PTPRQ: variants seen among roughly 807,000 people sequenced by gnomAD.
The protein encoded by PTPRQ is protein tyrosine phosphatase receptor type Q.
Under a neutral mutation model 246.0 loss-of-function variants are expected in PTPRQ, and 199 were observed. The observed-to-expected ratio is 0.81, with a 90% CI of 0.72 to 0.91. The LOEUF (loss-of-function observed/expected upper bound fraction) is 0.91, where lower values mean the gene tolerates loss of function less well. Ranked by LOEUF, PTPRQ falls within the 40% of genes least tolerant of loss-of-function variation. PTPRQ has a pLI of 0.00. For missense variants in PTPRQ, 2,624 were observed against 2,528.4 expected (o/e 1.04, Z -0.81); for synonymous variants, 869 against 853.2 (o/e 1.02, Z -0.32).
intron 17 of PTPRQ, among the ~76,000 whole-genome samples, chr12:80,521,616 G>A (rs1394928078): frequency 2.6e-5 from 4 of 152,128 alleles, no homozygotes; most frequent in East Asian, 1.9e-4. Context: ...TTATTAAATA[G>A]GGAATCCTTT....
chr12:80,490,437 C>G (rs983387873), intron 9 of PTPRQ, among the ~76,000 whole-genome samples: 4 of 151,956 alleles, frequency 2.6e-5, no homozygotes, highest in Non-Finnish European at 5.9e-5. Flanking sequence ...AGGAATTTAT[C>G]TCTGAAGACT....
intron 16 of PTPRQ, among the ~76,000 whole-genome samples, chr12:80,508,495 A>G (rs1895030503): frequency 6.6e-6 from 1 of 151,898 alleles, no homozygotes; most frequent in Non-Finnish European, 1.5e-5. Flanking sequence ...GGAGGGTGAG[A>G]AATAGGAAAG....
intron 8 of PTPRQ, among the ~76,000 whole-genome samples, chr12:80,474,455 A>ACAGTGGAG (rs1893749199): frequency 6.6e-6 from 1 of 152,222 alleles, no homozygotes; most frequent in African/African-American, 2.4e-5. Context: ...CTATTACATT[A>ACAGTGGAG]CAGTGGAGTT....
rs1253237409 is a variant in PTPRQ at position 80,546,523 on chromosome 12, G to A, written c.3874-33G>A. 1.1e-5 allele frequency: 17 copies of A among 1,528,822 alleles called. No individual in the cohort carries two copies. The East Asian group carries it at 3.7e-4, about 33-fold the overall frequency. The allele number at this position is 1,528,822 out of a possible 1,614,324, so 94.7% of individuals were successfully genotyped here. On this transcript the variant is annotated intron_variant, in intron 23 of 44. Coordinates refer to ENST00000644991, the MANE Select transcript of PTPRQ (RefSeq NM_001145026.2). ...CATTGATGAACAATTTTTTGACAGT[G>A]CATTAACTAATAACTTTTTTTCTGT...
At position 80,506,563 on chromosome 12, in the gene PTPRQ, C is replaced by T; in HGVS notation, c.2456-6C>T. On this transcript the variant is annotated splice_region_variant and splice_polypyrimidine_tract_variant and intron_variant, in intron 15 of 44. Transcript: ENST00000644991. Reference sequence around the variant, plus strand: ...GTTTCAACTTACCTATTTGATTTCTCTTTAGTACTGAAGAAATATACCCAA... The same window carrying T: ...GTTTCAACTTACCTATTTGATTTCTTTTTAGTACTGAAGAAATATACCCAA... The T allele has an allele frequency of 6.6e-7, 1 of 1,515,222 alleles. No homozygotes were observed. Among genetic ancestry groups the T allele is most frequent in the Non-Finnish European group, 8.9e-7 (1 of 1,122,476 alleles). The allele number at this position is 1,515,222 out of a possible 1,614,324, so 93.9% of individuals were successfully genotyped here.
At chr12:80,665,844 G>A (rs1235864270) in intron 39 of PTPRQ, among the ~76,000 whole-genome samples, 2 of 152,066 alleles carry the variant, frequency 1.3e-5, no homozygotes, top group East Asian at 3.9e-4. Flanking sequence ...ATGAAAGATT[G>A]CTCAACATCA....
chr12:80,478,399 C>G (rs1310053969), intron 8 of PTPRQ, among the ~76,000 whole-genome samples: 1 of 151,502 alleles, frequency 6.6e-6, no homozygotes, highest in Non-Finnish European at 1.5e-5. Context: ...TCATCAAAGA[C>G]CAAAAGTAGA....
intron 3 of PTPRQ, among the ~76,000 whole-genome samples, chr12:80,455,921 A>G (rs1488387629): frequency 1.3e-5 from 2 of 152,134 alleles, no homozygotes; most frequent in African/African-American, 4.8e-5. Context: ...GTTAATATGT[A>G]AAATTTAACA....
intron 26 of PTPRQ, among the ~76,000 whole-genome samples, chr12:80,590,541 G>A (rs1258272293): frequency 5.3e-5 from 8 of 151,894 alleles, no homozygotes; most frequent in African/African-American, 1.9e-4. Context: ...GGTGGCAGGT[G>A]CCTGTAGTCC....
chr12:80,499,908 A>G (rs1167270745), intron 14 of PTPRQ, among the ~76,000 whole-genome samples: 1 of 151,928 alleles, frequency 6.6e-6, no homozygotes, highest in African/African-American at 2.4e-5. Flanking sequence ...AGAAGTTCCC[A>G]TACAAATTAC....
intron 25 of PTPRQ, among the ~76,000 whole-genome samples, chr12:80,572,573 A>G (rs777208209): frequency 6.6e-6 from 1 of 152,152 alleles, no homozygotes; most frequent in African/African-American, 2.4e-5. Flanking sequence ...ATAAAAGCCA[A>G]TATCCTTGTG....
Position 80,632,593 on chromosome 12 carries a change from A to T in PTPRQ, c.5786+302A>T, listed in dbSNP as rs372095749. ...CTAAAGAGAGTAAAAGAGAAATCTA[A>T]GAGTCCAGAAGTAGCAAGCAAAACA... On this transcript the variant is annotated intron_variant, in intron 34 of 44. Coordinates refer to ENST00000644991, the MANE Select transcript of PTPRQ (RefSeq NM_001145026.2). 1.9e-4 allele frequency among the ~76,000 whole-genome samples: 29 copies of T among 152,230 alleles called. 1 individual carries two copies. The East Asian group carries it at 2.3e-3, about 12-fold the overall frequency.
intron 41 of PTPRQ, 136 bp downstream of exon 41, chr12:80,669,600 G>T: frequency 7.8e-7 from 1 of 1,284,452 alleles, no homozygotes; most frequent in Non-Finnish European, 1.0e-6. Flanking sequence ...ATTGTCTTCT[G>T]AACAGAATTT....
intron 17 of PTPRQ, among the ~76,000 whole-genome samples, chr12:80,531,731 C>T (rs1895850285): frequency 6.6e-6 from 1 of 152,100 alleles, no homozygotes; most frequent in East Asian, 1.9e-4. Flanking sequence ...TCATGCTACC[C>T]TATTTTTCTA....
intron 25 of PTPRQ, among the ~76,000 whole-genome samples, chr12:80,565,146 C>T (rs1896940355): frequency 6.6e-6 from 1 of 152,096 alleles, no homozygotes; most frequent in Non-Finnish European, 1.5e-5. Context: ...GGATCAGTTC[C>T]AAAAGTGTAA....
intron 4 of PTPRQ, among the ~76,000 whole-genome samples, chr12:80,458,599 G>A (rs1053655264): frequency 4.6e-5 from 7 of 151,294 alleles, no homozygotes; most frequent in African/African-American, 1.7e-4. Flanking sequence ...GACTTGTCAT[G>A]TTTGTTTTAT....
rs556001650 is a variant in PTPRQ at position 80,588,191 on chromosome 12, T to C, written c.4348T>C (p.Trp1450Arg). The C allele has an allele frequency of 1.9e-6, 3 of 1,549,856 alleles. No homozygotes were observed. Among genetic ancestry groups the C allele is most frequent in the East Asian group, 4.9e-5 (2 of 40,864 alleles). Residue 1450 changes from tryptophan (W) to arginine (R), a missense_variant, in exon 26 of 45, where the codon TGG becomes CGG. Trp to Arg is a moderately radical substitution (Grantham distance 101). Coordinates refer to ENST00000644991, the MANE Select transcript of PTPRQ (RefSeq NM_001145026.2). ...TCAGTCAACTAGTGCAACATTGACA[T>C]GGATAAGACCTGACACTATCCTTGG... Reference protein sequence around the residue: ...DVQSTSATLTWIRPDTILGYF... With the variant: ...DVQSTSATLTRIRPDTILGYF...
rs975110840 is a variant in PTPRQ, at chr12:80,600,600, C to A, written c.4610-4459C>A. On this transcript the variant is annotated intron_variant, in intron 26 of 44. Coordinates refer to ENST00000644991, the MANE Select transcript of PTPRQ (RefSeq NM_001145026.2). ...GTCTGGGCAACGATAATGTGCCACT[C>A]TACTTGCTTGCTAGAATGAGTTAGG... Among the ~76,000 whole-genome samples the A allele has an allele frequency of 2.6e-5, 4 of 151,790 alleles. 1 individual carries two copies. Among genetic ancestry groups the A allele is most frequent in the Admixed American group, 6.6e-5 (1 of 15,208 alleles).
In PTPRQ at chr12:80,578,281, T is replaced by G. The variant is rs1897329468; in HGVS notation, c.4286-9848T>G. 2.1e-5 allele frequency among the ~76,000 whole-genome samples: 3 copies of G among 144,022 alleles called. No individual in the cohort carries two copies. The Admixed American group carries it at 2.2e-4, about 10-fold the overall frequency. 94.5% of individuals were successfully genotyped at this position (144,022 alleles called of 152,430 possible). A position where few individuals can be genotyped will look rare whatever the true frequency, so the allele number is the denominator to read the frequency against. On this transcript the variant is annotated intron_variant, in intron 25 of 44. Transcript: ENST00000644991. ...TTCCGCTTCCTGTGTCCATGTGTTC[T>G]CATTGTTCAGTTCCCACCTATGAGT...
Sources: allele counts gnomAD v4.1 joint callset (sites outside exome capture counted in the v4.1 genomes callset), GRCh38; gene constraint gnomAD v4.1.1; transcripts MANE v1.5; gene names NCBI Gene and HGNC (gene_info 2026-07-23, HGNC 2026-07-21).